NFIB: variants seen among roughly 807,000 people sequenced by gnomAD.
NFIB encodes nuclear factor 1 B-type.
NFIB carries 11 observed loss-of-function variants against 61.5 expected under a neutral mutation model. That is an observed-to-expected ratio of 0.18 (90% CI 0.11 to 0.30). The LOEUF is 0.30. Among genes scored for constraint, NFIB ranks in the 10% least tolerant of loss-of-function variants. The pLI, the probability that NFIB is intolerant of heterozygous loss-of-function variation, is 1.00. For synonymous variants in NFIB, 260 were observed against 216.5 expected (o/e 1.20, Z -1.76); for missense variants, 471 against 608.9 (o/e 0.77, Z 2.38).
At chr9:14,130,704 G>C (rs2040300163) in intron 6 of NFIB, among the ~76,000 whole-genome samples, 1 of 152,016 alleles carries the variant, frequency 6.6e-6, no homozygotes. Flanking sequence ...AGAAATGAAA[G>C]AAAGAAGAGG....
intron 1 of NFIB, among the ~76,000 whole-genome samples, chr9:14,382,453 A>G (rs1192623277): frequency 1.3e-5 from 2 of 152,282 alleles, no homozygotes; most frequent in African/African-American, 2.4e-5. Flanking sequence ...GAATATAAGT[A>G]AGTACTGTTG....
At position 14,299,420 on chromosome 9, in the gene NFIB, G is replaced by A. The variant is rs889509901; in HGVS notation, c.562+7569C>T. Among the ~76,000 whole-genome samples, 3 of 152,114 alleles carry A rather than the reference G, an allele frequency of 2.0e-5. No individual in the cohort carries two copies. In the South Asian group the frequency reaches 6.2e-4, roughly 32 times the overall value. On this transcript the variant is annotated intron_variant, in intron 2 of 10. Transcript: ENST00000380953. ...AAAATTCAATGAATACTATTAAGTT[G>A]ACTATTTTGAGAAATAGACTATTTT... is the stretch of plus-strand genomic sequence containing the variant.
intron 3 of NFIB, among the ~76,000 whole-genome samples, chr9:14,167,613 A>G (rs907736766): frequency 6.6e-6 from 1 of 152,200 alleles, no homozygotes; most frequent in East Asian, 1.9e-4. Flanking sequence ...GTATGCTATT[A>G]TACCTCAATA....
chr9:14,202,729 T>C (rs888604638), intron 2 of NFIB, among the ~76,000 whole-genome samples: 4 of 152,192 alleles, frequency 2.6e-5, no homozygotes, highest in Non-Finnish European at 4.4e-5. Flanking sequence ...ATCTGAGAAA[T>C]GGGTAAGCAA....
chr9:14,125,684 C>T lies in NFIB; in HGVS notation c.1008G>A (p.Leu336=). The change falls in exon 7 of 11, where the codon CTG becomes CTA. Residue 336 remains leucine (L), a synonymous_variant. Transcript: ENST00000380953. The part of the protein sequence containing the change: ...SASPQDSSPR[L]STFPQHHHPG... ...GATGGTGGTGCTGGGGGAAAGTGCT[C>T]AGTCTTGGGGAAGAATCCTGTGGAG... The T allele has an allele frequency of 6.2e-7, 1 of 1,614,134 alleles. No homozygotes were observed. The highest frequency in any genetic ancestry group is 1.1e-5 in the South Asian group (1 of 91,076).
intron 2 of NFIB, among the ~76,000 whole-genome samples, chr9:14,185,722 T>C (rs150546401): frequency 2.0e-5 from 3 of 152,290 alleles, no homozygotes; most frequent in African/African-American, 7.2e-5. Flanking sequence ...TGTAAAATCA[T>C]ACAGTAGAAG....
intron 6 of NFIB, among the ~76,000 whole-genome samples, chr9:14,137,431 T>C (rs762441139): frequency 6.6e-6 from 1 of 152,200 alleles, no homozygotes; most frequent in Non-Finnish European, 1.5e-5. Context: ...CAGAAAACTT[T>C]CTGAATTTTC....
At chr9:14,411,548 C>T in the NFIB span, among the ~76,000 whole-genome samples, 78,530 of 151,916 alleles carry the variant, frequency 0.52, 20,666 homozygotes, top group Admixed American at 0.66. Context: ...GGAAAGAGAT[C>T]GTGTCAGGAG....
chr9:14,466,333 T>A, the NFIB span, among the ~76,000 whole-genome samples: 63 of 152,132 alleles, frequency 4.1e-4, no homozygotes, highest in Non-Finnish European at 8.1e-4. Flanking sequence ...TGTCTTTTCT[T>A]ATTTTCCAGT....
chr9:14,466,799 G>A, the NFIB span, among the ~76,000 whole-genome samples: 1 of 152,182 alleles, frequency 6.6e-6, no homozygotes. Flanking sequence ...TGGGGCTGAG[G>A]AGACTGGAGA....
the NFIB span, among the ~76,000 whole-genome samples, chr9:14,483,213 C>T: frequency 6.6e-6 from 1 of 152,050 alleles, no homozygotes; most frequent in Non-Finnish European, 1.5e-5. Flanking sequence ...TAGTTTGTGA[C>T]TAAAATTATT....
chr9:14,084,511 C>T lies in NFIB; in HGVS notation c.*3798G>A, dbSNP rs2032529174. The stretch of plus-strand genomic sequence containing the variant: ...TCTTTATGTACAGTCTCCTTCACTG[C>T]CTTTTATTTTTTTCCTTAGACAAGC... On this transcript the variant is annotated 3_prime_UTR_variant, in exon 11 of 11. Transcript: ENST00000380953. The T allele has an allele frequency of 4.4e-6, 1 of 225,406 alleles. No homozygotes were observed. 14.0% of individuals were successfully genotyped at this position (225,406 alleles called of 1,614,324 possible).
At chr9:14,175,057 GGTTT>G (rs1488725402) in intron 3 of NFIB, among the ~76,000 whole-genome samples, 6 of 150,720 alleles carry the variant, frequency 4.0e-5, no homozygotes, top group Non-Finnish European at 8.9e-5. Context: ...ATAATTATTT[GGTTT>G]GTTTCTATTA....
the NFIB span, among the ~76,000 whole-genome samples, chr9:14,431,941 T>G: frequency 6.6e-6 from 1 of 152,202 alleles, no homozygotes; most frequent in Non-Finnish European, 1.5e-5. Context: ...GCAACTGAAC[T>G]CATGGGTTGG....
At chr9:14,451,058 C>G in the NFIB span, among the ~76,000 whole-genome samples, 11 of 152,302 alleles carry the variant, frequency 7.2e-5, no homozygotes, top group East Asian at 2.1e-3. Flanking sequence ...GTGCTGGCAC[C>G]ACATTACCTC....
intron 2 of NFIB, among the ~76,000 whole-genome samples, chr9:14,183,430 G>T (rs1173013715): frequency 1.3e-5 from 2 of 150,756 alleles, no homozygotes; most frequent in African/African-American, 4.9e-5. Context: ...TTGAGACAGA[G>T]TCTTGCTCTG....
At chr9:14,176,233 T>C (rs528339091) in intron 3 of NFIB, among the ~76,000 whole-genome samples, 1 of 149,204 alleles carries the variant, frequency 6.7e-6, no homozygotes, top group East Asian at 2.0e-4. Flanking sequence ...TTTAGTTCTA[T>C]TGCTTAGGAG....
At chr9:14,252,574 G>A (rs1039404578) in intron 2 of NFIB, among the ~76,000 whole-genome samples, 1 of 151,964 alleles carries the variant, frequency 6.6e-6, no homozygotes, top group Non-Finnish European at 1.5e-5. Context: ...ATATGTAAAA[G>A]AAAAAGAACT....
intron 7 of NFIB, among the ~76,000 whole-genome samples, chr9:14,123,899 T>G (rs528974168): frequency 6.6e-6 from 1 of 152,188 alleles, no homozygotes; most frequent in Admixed American, 6.5e-5. Context: ...GCCCCTCTTC[T>G]TCCTAGTTTG....
Sources: allele counts gnomAD v4.1 joint callset (sites outside exome capture counted in the v4.1 genomes callset), GRCh38; gene constraint gnomAD v4.1.1; transcripts MANE v1.5; gene names NCBI Gene and HGNC (gene_info 2026-07-23, HGNC 2026-07-21).